Variants in SLAIN2 observed in about 807,000 individuals in gnomAD.
SLAIN2 encodes SLAIN motif-containing protein 2.
SLAIN2 carries 31 observed loss-of-function variants against 56.6 expected under a neutral mutation model. The observed-to-expected ratio is 0.55, with a 90% CI of 0.41 to 0.74. The LOEUF is 0.74. Ranked by LOEUF, SLAIN2 falls within the 30% of genes least tolerant of loss-of-function variation. The pLI is 0.00. For missense variants in SLAIN2, 777 were observed against 754.2 expected, an observed-to-expected ratio of 1.03 and a Z score of -0.35; for synonymous variants, 317 against 284.9, an observed-to-expected ratio of 1.11 and a Z score of -1.13.
rs1418292367 is a variant in SLAIN2, at chr4:48,420,155, C to T, written c.1391C>T (p.Ala464Val). 1.2e-6 allele frequency: 2 copies of T among 1,613,976 alleles called. No homozygotes were observed. Among genetic ancestry groups the T allele is most frequent in the East Asian group, 2.2e-5 (1 of 44,858 alleles). The stretch of plus-strand genomic sequence containing the variant: ...TCTCCAGGCAAATTCCGTTCCCCTG[C>T]AGCACCATCTCCTTTGGCTCTTCGG... ...IPSPGKFRSP[A>V]APSPLALRQP... The change falls in exon 7 of 8, where the codon GCA becomes GTA. Residue 464 changes from alanine to valine, a missense_variant. Transcript: ENST00000264313.
intron 6 of SLAIN2, among the ~76,000 whole-genome samples, chr4:48,418,851 A>AGT (rs34754943): frequency 4.3e-4 from 65 of 151,814 alleles, no homozygotes; most frequent in African/African-American, 6.8e-4. Context: ...AACATTCTAC[A>AGT]GTGTGTGTGT....
chr4:48,381,661 G>T (rs1352438655), intron 4 of SLAIN2, among the ~76,000 whole-genome samples: 1 of 152,158 alleles, frequency 6.6e-6, no homozygotes, highest in Non-Finnish European at 1.5e-5. Context: ...ATACCCTAGG[G>T]TGATTCTCAT....
At chr4:48,368,295 A>G (rs1311827646) in intron 1 of SLAIN2, among the ~76,000 whole-genome samples, 1 of 152,046 alleles carries the variant, frequency 6.6e-6, no homozygotes, top group Middle Eastern at 3.2e-3. Context: ...TCCTGACCTC[A>G]GGTGATCCAC....
At chr4:48,384,131 T>C (rs1423558639) in intron 6 of SLAIN2, among the ~76,000 whole-genome samples, 1 of 152,206 alleles carries the variant, frequency 6.6e-6, no homozygotes, top group African/African-American at 2.4e-5. Flanking sequence ...TCCAAAAATA[T>C]ATGTCCCTTA....
chr4:48,349,703 G>C (rs1714961741), intron 1 of SLAIN2, among the ~76,000 whole-genome samples: 1 of 152,178 alleles, frequency 6.6e-6, no homozygotes, highest in South Asian at 2.1e-4. Context: ...CTGTGATCAT[G>C]TGGGGATCAT....
intron 2 of SLAIN2, among the ~76,000 whole-genome samples, chr4:48,375,989 C>A (rs909400377): frequency 6.6e-6 from 1 of 152,192 alleles, no homozygotes; most frequent in African/African-American, 2.4e-5. Context: ...CCCTTTGCAC[C>A]TTTATGATAG....
intron 2 of SLAIN2, among the ~76,000 whole-genome samples, chr4:48,374,703 G>A (rs1356423188): frequency 2.6e-5 from 4 of 152,210 alleles, no homozygotes; most frequent in African/African-American, 9.7e-5. Flanking sequence ...GTGAATGTAG[G>A]ATGCCTTTGA....
At chr4:48,371,001 C>A (rs546366771) in intron 2 of SLAIN2, among the ~76,000 whole-genome samples, 1 of 152,030 alleles carries the variant, frequency 6.6e-6, no homozygotes, top group African/African-American at 2.4e-5. Flanking sequence ...AAATAACTTA[C>A]GGGATGTTAT....
At chr4:48,366,842 C>G (rs2109750487) in intron 1 of SLAIN2, among the ~76,000 whole-genome samples, 1 of 152,254 alleles carries the variant, frequency 6.6e-6, no homozygotes, top group South Asian at 2.1e-4. Flanking sequence ...CAAGTAAAAA[C>G]TTGTTAAATC....
chr4:48,389,806 G>A (rs947030172), intron 6 of SLAIN2, among the ~76,000 whole-genome samples: 4 of 152,176 alleles, frequency 2.6e-5, no homozygotes, highest in African/African-American at 7.2e-5. Context: ...GGGGATGATA[G>A]CTATAGAGAC....
intron 1 of SLAIN2, among the ~76,000 whole-genome samples, chr4:48,366,979 T>G (rs1715538724): frequency 6.6e-6 from 1 of 152,184 alleles, no homozygotes; most frequent in African/African-American, 2.4e-5. Context: ...AAAAATGTCT[T>G]TAGTGGGAAA....
chr4:48,367,962 C>CT (rs1169319873), intron 1 of SLAIN2, among the ~76,000 whole-genome samples: 1 of 150,904 alleles, frequency 6.6e-6, no homozygotes, highest in African/African-American at 2.5e-5. Context: ...CCACAAATCT[C>CT]TTTTCTGCTC....
intron 6 of SLAIN2, among the ~76,000 whole-genome samples, chr4:48,386,090 G>GAAAA: frequency 1.3e-5 from 1 of 76,808 alleles, no homozygotes; most frequent in Non-Finnish European, 2.9e-5. Flanking sequence ...TCTATTGAAA[G>GAAAA]AAAAAAAAAA....
intron 6 of SLAIN2, among the ~76,000 whole-genome samples, chr4:48,409,919 G>T (rs1716800037): frequency 1.3e-5 from 2 of 152,164 alleles, no homozygotes; most frequent in African/African-American, 4.8e-5. Context: ...GAACATTCAT[G>T]TACAAGTGTT....
rs942273362 is a variant in SLAIN2 at position 48,383,970 on chromosome 4, C to A, written c.1360+186C>A. Reference sequence around the variant, plus strand: ...AAGTTATATTACAATTTAAAATTTTCTATGTAGGATACTTGATTCTGCCAG... The same window carrying A: ...AAGTTATATTACAATTTAAAATTTTATATGTAGGATACTTGATTCTGCCAG... On this transcript the variant is annotated intron_variant, in intron 6 of 7. Coordinates refer to ENST00000264313, the MANE Select transcript of SLAIN2 (RefSeq NM_020846.2). 8.2e-5 allele frequency: 48 copies of A among 587,428 alleles called. No individual in the cohort carries two copies. In the African/African-American group the frequency reaches 8.5e-4, roughly 10 times the overall value. 36.4% of individuals were successfully genotyped at this position (587,428 alleles called of 1,614,324 possible). A position where few individuals can be genotyped will look rare whatever the true frequency, so the allele number is the denominator to read the frequency against.
intron 2 of SLAIN2, among the ~76,000 whole-genome samples, chr4:48,372,463 A>G (rs564544106): frequency 4.2e-4 from 64 of 152,342 alleles, no homozygotes; most frequent in African/African-American, 1.4e-3. Flanking sequence ...CAGTAAAACT[A>G]CTTAATGTAA....
At chr4:48,356,083 G>A (rs895024479) in intron 1 of SLAIN2, among the ~76,000 whole-genome samples, 47 of 152,098 alleles carry the variant, frequency 3.1e-4, no homozygotes, top group Non-Finnish European at 5.1e-4. Flanking sequence ...AAATCATTAA[G>A]TTGACAAACT....
chr4:48,349,382 G>A (rs1465156095), intron 1 of SLAIN2, among the ~76,000 whole-genome samples: 1 of 152,184 alleles, frequency 6.6e-6, no homozygotes, highest in Non-Finnish European at 1.5e-5. Flanking sequence ...AGTGAGACCA[G>A]ATTTCTTACA....
intron 2 of SLAIN2, among the ~76,000 whole-genome samples, chr4:48,371,989 C>CGT (rs1491431497): frequency 2.1e-5 from 3 of 142,088 alleles, no homozygotes; most frequent in African/African-American, 5.1e-5. Context: ...CACACACACA[C>CGT]GCGCGCACAC....
Sources: gnomAD v4.1 joint callset for allele counts (sites outside exome capture counted in the v4.1 genomes callset) on GRCh38, gnomAD v4.1.1 for gene constraint, MANE v1.5 for transcripts, NCBI Gene and HGNC (gene_info 2026-07-23, HGNC 2026-07-21) for gene names.